Variants in MTFMT observed in about 807,000 individuals in gnomAD.
MTFMT encodes mitochondrial methionyl-tRNA formyltransferase, also known as methionyl-tRNA formyltransferase, mitochondrial.
Under a neutral mutation model 51.8 loss-of-function variants are expected in MTFMT, and 47 were observed. That is an observed-to-expected ratio of 0.91 (90% CI 0.72 to 1.16). The LOEUF is 1.16. Among genes scored for constraint, MTFMT ranks in the 50% most tolerant of loss-of-function variants. The pLI is 0.00. For synonymous variants in MTFMT, 196 were observed against 176.7 expected (o/e 1.11, Z -0.87); for missense variants, 512 against 482.3 (o/e 1.06, Z -0.58).
At position 65,011,485 on chromosome 15, in the gene MTFMT, CTTTTTTTT is replaced by C. The variant is rs536213292; in HGVS notation, c.813+4943_813+4950del. 6.0e-3 allele frequency among the ~76,000 whole-genome samples: 445 copies of C among 74,076 alleles called. 1 individual carries two copies. Among genetic ancestry groups the C allele is most frequent in the Middle Eastern group, 0.023 (2 of 88 alleles). The allele number at this position is 74,076 out of a possible 152,430, so 48.6% of individuals were successfully genotyped here. A position where few individuals can be genotyped will look rare whatever the true frequency, so the allele number is the denominator to read the frequency against. On this transcript the variant is annotated intron_variant, in intron 6 of 8. Coordinates refer to ENST00000220058, the MANE Select transcript of MTFMT (RefSeq NM_139242.4). ...TATTCCCTCCCATTCTGTAAGCTGTCTTTTTTTTTTTTTTTTTTTTTTTTTTTTGAGAC... is the reference window on the plus strand; with the variant it reads ...TATTCCCTCCCATTCTGTAAGCTGTCTTTTTTTTTTTTTTTTTTTTGAGAC...
chr15:65,006,593 G>A (rs1331388962), intron 6 of MTFMT, among the ~76,000 whole-genome samples: 1 of 152,000 alleles, frequency 6.6e-6, no homozygotes, highest in Admixed American at 6.6e-5. Flanking sequence ...AGCCACGATG[G>A]TCTCTATCTC....
In MTFMT at chr15:65,004,892, A is replaced by G; in HGVS notation, c.937T>C (p.Tyr313His). 6.2e-7 allele frequency: 1 copy of G among 1,611,666 alleles called. No individual in the cohort carries two copies. The highest frequency in any genetic ancestry group is 1.1e-5 in the South Asian group (1 of 90,788). ...AATAGTATTTGTGACTGTTTGTGGTATATTACTGATCCTGGAATAAGAGCC... is the reference window on the plus strand; with the variant it reads ...AATAGTATTTGTGACTGTTTGTGGTGTATTACTGATCCTGGAATAAGAGCC... ...GQALIPGSVI[Y>H]HKQSQILLVY... Residue 313 changes from tyrosine (Y) to histidine (H), a missense_variant, in exon 8 of 9, where the codon TAC becomes CAC. Physicochemically the swap from Tyr to His is moderately conservative, Grantham distance 83 (BLOSUM62 2). Coordinates refer to ENST00000220058, the MANE Select transcript of MTFMT (RefSeq NM_139242.4).
intron 6 of MTFMT, among the ~76,000 whole-genome samples, chr15:65,011,347 T>C (rs1219901324): frequency 6.6e-6 from 1 of 152,052 alleles, no homozygotes; most frequent in African/African-American, 2.4e-5. Flanking sequence ...AAGAAATGTT[T>C]ACTCAGAATT....
At chr15:65,017,104 A>AAAAAAAAAAAAAAT (rs2086330575) in intron 5 of MTFMT, among the ~76,000 whole-genome samples, 1 of 149,988 alleles carries the variant, frequency 6.7e-6, no homozygotes. Flanking sequence ...AAAAAAAAAA[A>AAAAAAAAAAAAAAT]AAGACAAAAA....
In MTFMT at chr15:65,029,624, G is replaced by C; in HGVS notation, c.-11C>G. ...CACCAACACCCTCATCGCCTCGGCC[G>C]CCGGCGGCCGGCCCTGCGCAGGCGC... On this transcript the variant is annotated 5_prime_UTR_variant, in exon 1 of 9. Coordinates refer to ENST00000220058, the MANE Select transcript of MTFMT (RefSeq NM_139242.4). 1 of 1,376,368 alleles carries C rather than the reference G, an allele frequency of 7.3e-7. No homozygotes were observed. The highest frequency in any genetic ancestry group is 9.4e-7 in the Non-Finnish European group (1 of 1,062,660). 85.3% of individuals were successfully genotyped at this position (1,376,368 alleles called of 1,614,324 possible). A position where few individuals can be genotyped will look rare whatever the true frequency, so the allele number is the denominator to read the frequency against.
chr15:65,015,747 G>C (rs893669491), intron 6 of MTFMT: 1 of 152,424 alleles, frequency 6.6e-6, no homozygotes, highest in Non-Finnish European at 1.5e-5. Context: ...TGTCACAGGA[G>C]GCTCACTTGA....
rs1307631641 is a variant in MTFMT at position 65,029,536 on chromosome 15, C to T, written c.78G>A (p.Trp26Ter). 3 of 1,517,728 alleles carry T rather than the reference C, an allele frequency of 2.0e-6. No homozygotes were observed. The highest frequency in any genetic ancestry group is 2.1e-5 in the Admixed American group (1 of 48,394). The allele number at this position is 1,517,728 out of a possible 1,614,324, so 94.0% of individuals were successfully genotyped here. ...GARRGRPSPQ[W>*]RALARLGWED... The stretch of plus-strand genomic sequence containing the variant: ...CCCAGCCGAGTCGGGCCAGTGCTCG[C>T]CACTGGGGACTCGGCCTCCCACGCC... Residue 26 changes from tryptophan (W) to a stop codon, truncating the protein, a stop_gained, in exon 1 of 9, where the codon TGG becomes TGA. Transcript: ENST00000220058. LOFTEE classifies it high-confidence loss of function.
At chr15:65,006,432 A>G (rs1446746008) in intron 6 of MTFMT, among the ~76,000 whole-genome samples, 1 of 147,180 alleles carries the variant, frequency 6.8e-6, no homozygotes, top group Non-Finnish European at 1.5e-5. Context: ...GCTGGAGTGC[A>G]GTGGCGCGAT....
At chr15:65,005,039 T>G in intron 7 of MTFMT, 103 bp from the exon 8 acceptor site, 1 of 759,130 alleles carries the variant, frequency 1.3e-6, no homozygotes, top group Non-Finnish European at 2.2e-6. Flanking sequence ...GCAGTACTGA[T>G]ACCGGAGAGA....
intron 6 of MTFMT, among the ~76,000 whole-genome samples, chr15:65,008,802 AT>A (rs1192240199): frequency 6.6e-6 from 1 of 152,116 alleles, no homozygotes; most frequent in Non-Finnish European, 1.5e-5. Flanking sequence ...CATATGTGCA[AT>A]TTTTTTCTTT....
At chr15:65,010,392 C>T (rs1595888938) in intron 6 of MTFMT, among the ~76,000 whole-genome samples, 1 of 152,240 alleles carries the variant, frequency 6.6e-6, no homozygotes, top group East Asian at 1.9e-4. Flanking sequence ...CAGAAAATTC[C>T]CATTATCCTC....
chr15:65,003,632 G>A (rs2086195768), intron 8 of MTFMT, among the ~76,000 whole-genome samples: 1 of 151,980 alleles, frequency 6.6e-6, no homozygotes, highest in Non-Finnish European at 1.5e-5. Flanking sequence ...CGAGGCGGGT[G>A]GATCACCTGA....
At chr15:65,024,263 T>C (rs1595892743) in intron 2 of MTFMT, among the ~76,000 whole-genome samples, 2 of 152,110 alleles carry the variant, frequency 1.3e-5, no homozygotes, top group Admixed American at 1.3e-4. Context: ...GAGGCAGAGG[T>C]GCAGTGAACC....
Position 65,002,563 on chromosome 15 carries a change from A to G in MTFMT, c.*499T>C, listed in dbSNP as rs1464600199. 6.6e-6 allele frequency: 1 copy of G among 152,208 alleles called. No individual in the cohort carries two copies. Among genetic ancestry groups the G allele is most frequent in the Admixed American group, 6.5e-5 (1 of 15,272 alleles). The allele number at this position is 152,208 out of a possible 1,614,324, so 9.4% of individuals were successfully genotyped here. On this transcript the variant is annotated 3_prime_UTR_variant, in exon 9 of 9. Transcript: ENST00000220058. ...AAACTTTTTTGTAATTCAAGTAAAA[A>G]AAAAGCTGTTTTTTAACTACTGTTA...
intron 5 of MTFMT, among the ~76,000 whole-genome samples, chr15:65,016,996 G>A (rs756185968): frequency 2.1e-4 from 32 of 151,026 alleles, no homozygotes; most frequent in Admixed American, 4.6e-4. Flanking sequence ...TTGCCAGGCT[G>A]GTCTCGAACT....
intron 6 of MTFMT, chr15:65,015,995 C>T (rs1348058871): frequency 6.5e-6 from 1 of 152,708 alleles, no homozygotes; most frequent in East Asian, 1.9e-4. Flanking sequence ...TATTACTACA[C>T]TTGGTGTACC....
chr15:65,027,292 G>A (rs2086434186), intron 1 of MTFMT, among the ~76,000 whole-genome samples: 1 of 151,442 alleles, frequency 6.6e-6, no homozygotes, highest in Non-Finnish European at 1.5e-5. Flanking sequence ...CTGCCCCCTA[G>A]GTTCAAGCGA....
At chr15:65,004,682 C>T (rs1437947465) in intron 8 of MTFMT, among the ~76,000 whole-genome samples, 172 bp downstream of exon 8, 2 of 152,202 alleles carry the variant, frequency 1.3e-5, no homozygotes, top group Non-Finnish European at 2.9e-5. Flanking sequence ...AAAACTTCAT[C>T]ACTTTCAAAA....
intron 7 of MTFMT, among the ~76,000 whole-genome samples, chr15:65,005,596 G>A (rs1204732099): frequency 2.0e-5 from 3 of 147,566 alleles, no homozygotes; most frequent in Non-Finnish European, 3.0e-5. Context: ...TACTCCCCAG[G>A]GTCCTGTAAT....
Sources: allele counts gnomAD v4.1 joint callset (sites outside exome capture counted in the v4.1 genomes callset), GRCh38; gene constraint gnomAD v4.1.1; transcripts MANE v1.5; gene names NCBI Gene and HGNC (gene_info 2026-07-23, HGNC 2026-07-21).